Variants in MYH15 observed in about 807,000 individuals in gnomAD.
MYH15 encodes the protein myosin heavy chain 15.
A neutral mutation model predicts 240.5 loss-of-function variants in MYH15; 227 were observed. That is an observed-to-expected ratio of 0.94 (90% CI 0.85 to 1.05). MYH15 has a LOEUF of 1.05. MYH15 is among the 50% of genes least tolerant of loss of function. MYH15 has a pLI of 0.00. For missense variants in MYH15, 2,217 were observed against 2,247.5 expected, an observed-to-expected ratio of 0.99 and a Z score of 0.27; for synonymous variants, 785 against 796.7, an observed-to-expected ratio of 0.99 and a Z score of 0.25.
At chr3:108,423,082 G>A (rs2082696156) in intron 27 of MYH15, among the ~76,000 whole-genome samples, 7 of 152,146 alleles carry the variant, frequency 4.6e-5, no homozygotes, top group Admixed American at 4.6e-4. Context: ...GGAAGAAAAG[G>A]GGGAAACAGG....
chr3:108,546,675 G>A, the MYH15 span, among the ~76,000 whole-genome samples: 1 of 152,108 alleles, frequency 6.6e-6, no homozygotes, highest in Non-Finnish European at 1.5e-5. Context: ...TAGTTGGAAG[G>A]AAAGAAGCTT....
intron 3 of MYH15, among the ~76,000 whole-genome samples, chr3:108,500,994 C>T (rs1420702549): frequency 6.6e-6 from 1 of 152,190 alleles, no homozygotes; most frequent in Admixed American, 6.5e-5. Flanking sequence ...TGCAGCCCTG[C>T]TGATTGGATT....
chr3:108,425,928 A>G (rs77622408), intron 27 of MYH15, among the ~76,000 whole-genome samples: 8,695 of 152,224 alleles, frequency 0.057, 816 homozygotes, highest in African/African-American at 0.2. Flanking sequence ...TGGAAACTGG[A>G]AGACAGACCA....
the MYH15 span, among the ~76,000 whole-genome samples, chr3:108,541,617 G>C: frequency 6.6e-6 from 1 of 152,098 alleles, no homozygotes; most frequent in Non-Finnish European, 1.5e-5. Flanking sequence ...GATTACAATG[G>C]AATGAGGATG....
intron 25 of MYH15, among the ~76,000 whole-genome samples, chr3:108,437,311 C>A (rs894924095): frequency 1.3e-5 from 2 of 151,398 alleles, no homozygotes; most frequent in Non-Finnish European, 1.5e-5. Flanking sequence ...TACCTTACAC[C>A]ATTCTTTCTC....
intron 22 of MYH15, among the ~76,000 whole-genome samples, chr3:108,444,367 T>C (rs2082909826): frequency 6.6e-6 from 1 of 152,030 alleles, no homozygotes; most frequent in African/African-American, 2.4e-5. Flanking sequence ...AACTTTAAAT[T>C]AAGACCCAGA....
chr3:108,430,774 C>A (rs1395033436), intron 26 of MYH15, 58 bp downstream of exon 26: 1 of 1,316,842 alleles, frequency 7.6e-7, no homozygotes. Context: ...CATTGAACCA[C>A]CAGTCATCAC....
At chr3:108,548,534 G>A in the MYH15 span, among the ~76,000 whole-genome samples, 1 of 152,098 alleles carries the variant, frequency 6.6e-6, no homozygotes, top group African/African-American at 2.4e-5. Flanking sequence ...TTGAGTTGTT[G>A]TGACAGAAAC....
intron 28 of MYH15, among the ~76,000 whole-genome samples, chr3:108,420,043 C>T (rs2082669515): frequency 6.6e-6 from 1 of 151,712 alleles, no homozygotes; most frequent in African/African-American, 2.4e-5. Context: ...TTATAAATGA[C>T]CGAGTATGCA....
chr3:108,438,995 C>T (rs569647114), intron 24 of MYH15, among the ~76,000 whole-genome samples: 202 of 149,386 alleles, frequency 1.4e-3, no homozygotes, highest in African/African-American at 4.9e-3. Context: ...TGTAACACAA[C>T]GAATAGATAA....
intron 12 of MYH15, among the ~76,000 whole-genome samples, chr3:108,473,026 G>A (rs1477469159): frequency 1.3e-5 from 2 of 152,076 alleles, no homozygotes; most frequent in South Asian, 2.1e-4. Context: ...GTTTGTTTTT[G>A]AGACAGAGTG....
At chr3:108,514,638 G>T (rs963515689), upstream of MYH15, among the ~76,000 whole-genome samples, 3 of 152,014 alleles carry the variant, frequency 2.0e-5, no homozygotes, top group Admixed American at 1.3e-4. Context: ...TTTGGGGTGG[G>T]GGGGTGGAGC....
At chr3:108,493,265 A>G in intron 7 of MYH15, 88 bp from the exon 8 acceptor site, 1 of 901,128 alleles carries the variant, frequency 1.1e-6, no homozygotes, top group Non-Finnish European at 1.8e-6. Flanking sequence ...ATTATATGTA[A>G]CTCTCAAAAG....
At chr3:108,411,062 T>TA (rs761099608) in intron 30 of MYH15, 130 bp from the exon 31 acceptor site, 553 of 702,078 alleles carry the variant, frequency 7.9e-4, no homozygotes, top group Non-Finnish European at 1.1e-3. Context: ...CTTAGTGGTA[T>TA]AAAGCAACAG....
At position 108,395,200 on chromosome 3, in the gene MYH15, C is replaced by T. The variant is rs1449102096; in HGVS notation, c.5134-1044G>A. On this transcript the variant is annotated intron_variant, in intron 35 of 40. Coordinates refer to ENST00000693548, the MANE Select transcript of MYH15 (RefSeq NM_014981.3). ...GAGAGGATTGCTTGAGCCTGGGAGG[C>T]GGGGGTTGCAGTGAACCGAGATTGC... Among the ~76,000 whole-genome samples, 3 of 152,236 alleles carry T rather than the reference C, an allele frequency of 2.0e-5. No homozygotes were observed. The East Asian group carries it at 5.8e-4, about 29-fold the overall frequency.
chr3:108,465,061 C>T (rs4586815), intron 14 of MYH15, among the ~76,000 whole-genome samples: 12,550 of 152,160 alleles, frequency 0.082, 1,393 homozygotes, highest in East Asian at 0.57. Flanking sequence ...CCTCAGGGTG[C>T]GTACATTTAG....
chr3:108,414,531 C>T, intron 29 of MYH15, 103 bp from the exon 30 acceptor site: 1 of 1,022,852 alleles, frequency 9.8e-7, no homozygotes, highest in East Asian at 2.6e-5. Flanking sequence ...TAACAACCTG[C>T]CACAAATTCA....
In MYH15 at chr3:108,520,949, GA is replaced by G. The variant is rs1283578681; in HGVS notation, c.-58+8313del. Among the ~76,000 whole-genome samples the G allele has an allele frequency of 7.5e-4, 114 of 152,186 alleles. 2 individuals carry two copies. Among genetic ancestry groups the G allele is most frequent in the Non-Finnish European group, 1.3e-4 (9 of 68,004 alleles). ...TATAATCCTCATAACAACCTTGTAAGATAGGGTTTATTATTCCCATTTTACA... is the reference window on the plus strand; with the variant it reads ...TATAATCCTCATAACAACCTTGTAAGTAGGGTTTATTATTCCCATTTTACA... On this transcript the variant is annotated intron_variant, in intron 1 of 41. Transcript: ENST00000273353.
intron 12 of MYH15, among the ~76,000 whole-genome samples, chr3:108,473,357 A>G (rs2083193845): frequency 6.6e-6 from 1 of 152,214 alleles, no homozygotes; most frequent in African/African-American, 2.4e-5. Flanking sequence ...GTAAAATAAT[A>G]ATAATGAAAT....
Sources: allele counts gnomAD v4.1 joint callset (sites outside exome capture counted in the v4.1 genomes callset), GRCh38; gene constraint gnomAD v4.1.1; transcripts MANE v1.5; gene names NCBI Gene and HGNC (gene_info 2026-07-23, HGNC 2026-07-21).